The following KCNN3 variants were observed in gnomAD, a reference collection of about 807,000 sequenced individuals.
KCNN3 encodes the protein potassium calcium-activated channel subfamily N member 3.
Under a neutral mutation model 62.9 loss-of-function variants are expected in KCNN3, and 16 were observed. The observed-to-expected ratio is 0.25, with a 90% CI of 0.17 to 0.39. The LOEUF (loss-of-function observed/expected upper bound fraction) is 0.39, where lower values mean the gene tolerates loss of function less well. Ranked by LOEUF, KCNN3 falls within the 10% of genes least tolerant of loss-of-function variation. The pLI is 1.00. For missense variants in KCNN3, 599 were observed against 949.4 expected (o/e 0.63, Z 4.85); for synonymous variants, 370 against 389.2 (o/e 0.95, Z 0.58).
intron 3 of KCNN3, among the ~76,000 whole-genome samples, chr1:154,751,006 T>C (rs1333337683): frequency 6.6e-6 from 1 of 152,218 alleles, no homozygotes; most frequent in Non-Finnish European, 1.5e-5. Context: ...CACCTCATTC[T>C]TTTTAGATAA....
rs142240424 is a variant in KCNN3, at chr1:154,755,504, GAAGA to G, written c.1448+16467_1448+16470del. 1.4e-3 allele frequency among the ~76,000 whole-genome samples: 151 copies of G among 109,894 alleles called. 4 individuals are homozygous for G. The highest frequency in any genetic ancestry group is 3.2e-3 in the African/African-American group (98 of 30,510). 72.1% of individuals were successfully genotyped at this position (109,894 alleles called of 152,430 possible). On this transcript the variant is annotated intron_variant, in intron 3 of 7. Coordinates refer to ENST00000271915, the MANE Select transcript of KCNN3 (RefSeq NM_002249.6). ...GGAAGGAAGAAAGGGAGAAAGAAAGGAAGAAAGAAAGAAAGAAAGAAAGAAGAAG... is the reference window on the plus strand; with the variant it reads ...GGAAGGAAGAAAGGGAGAAAGAAAGGAAGAAAGAAAGAAAGAAAGAAGAAG...
intron 1 of KCNN3, among the ~76,000 whole-genome samples, chr1:154,826,784 A>G (rs1225812760): frequency 6.6e-6 from 1 of 152,264 alleles, no homozygotes; most frequent in Non-Finnish European, 1.5e-5. Flanking sequence ...ATATCTTCCC[A>G]GAGACTTTGA....
chr1:154,780,402 C>A (rs560510449), intron 2 of KCNN3, among the ~76,000 whole-genome samples: 1 of 150,558 alleles, frequency 6.6e-6, no homozygotes, highest in African/African-American at 2.4e-5. Flanking sequence ...AACTTTCACT[C>A]TTGCACAACT....
intron 5 of KCNN3, 116 bp from the exon 6 acceptor site, chr1:154,715,119 T>A: frequency 1.6e-6 from 2 of 1,287,088 alleles, no homozygotes; most frequent in Non-Finnish European, 2.2e-6. Context: ...TCTATTTTCT[T>A]AACCAAAATC....
chr1:154,859,292 C>T (rs977083551), intron 1 of KCNN3, among the ~76,000 whole-genome samples: 7 of 152,224 alleles, frequency 4.6e-5, no homozygotes, highest in Admixed American at 6.5e-5. Flanking sequence ...CTGCAAAAAT[C>T]GCTGCTAGTG....
intron 2 of KCNN3, among the ~76,000 whole-genome samples, chr1:154,821,754 G>A (rs1483579173): frequency 6.6e-6 from 1 of 152,222 alleles, no homozygotes; most frequent in African/African-American, 2.4e-5. Context: ...AGACACAAAA[G>A]GCAGAGCAAT....
chr1:154,715,754 C>T (rs1438374518), intron 5 of KCNN3, among the ~76,000 whole-genome samples: 1 of 152,166 alleles, frequency 6.6e-6, no homozygotes, highest in Non-Finnish European at 1.5e-5. Context: ...ACCATTGCTG[C>T]CCTTACATGC....
intron 6 of KCNN3, among the ~76,000 whole-genome samples, 195 bp from the exon 7 acceptor site, chr1:154,713,728 G>C (rs534493115): frequency 6.6e-6 from 1 of 152,028 alleles, no homozygotes; most frequent in Non-Finnish European, 1.5e-5. Flanking sequence ...TTGTCTCCAC[G>C]CATGCTCACC....
intron 1 of KCNN3, among the ~76,000 whole-genome samples, chr1:154,858,023 AT>A (rs1409417605): frequency 1.3e-5 from 2 of 152,108 alleles, no homozygotes; most frequent in Non-Finnish European, 2.9e-5. Flanking sequence ...ACTCAACTCC[AT>A]CCTAGACTTG....
At chr1:154,742,841 C>T (rs554498438) in intron 3 of KCNN3, among the ~76,000 whole-genome samples, 26 of 152,336 alleles carry the variant, frequency 1.7e-4, no homozygotes, top group African/African-American at 6.3e-4. Context: ...GAGCCTCTCA[C>T]CTGGGGCTTC....
chr1:154,857,845 C>T (rs570271906), intron 1 of KCNN3, among the ~76,000 whole-genome samples: 9 of 152,246 alleles, frequency 5.9e-5, no homozygotes, highest in African/African-American at 2.2e-4. Flanking sequence ...TCTTCTCCAC[C>T]GCCTGTCACC....
rs188367287 is a variant in KCNN3, at chr1:154,848,739, A to G, written c.933+20293T>C. Among the ~76,000 whole-genome samples, 332 of 152,126 alleles carry G rather than the reference A, an allele frequency of 2.2e-3. 1 individual carries two copies. The highest frequency in any genetic ancestry group is 7.7e-3 in the African/African-American group (320 of 41,460). The stretch of plus-strand genomic sequence containing the variant: ...ATTCCCTTTTGCCTCATGAAGCCCT[A>G]CCTTCCTTCAAAACCCAGCTCAACC... On this transcript the variant is annotated intron_variant, in intron 1 of 7. Coordinates refer to ENST00000271915, the MANE Select transcript of KCNN3 (RefSeq NM_002249.6).
chr1:154,753,486 C>T, intron 3 of KCNN3, among the ~76,000 whole-genome samples: 1 of 152,332 alleles, frequency 6.6e-6, no homozygotes, highest in Non-Finnish European at 1.5e-5. Context: ...TATGTTCTTT[C>T]TCCTTTTGTC....
intron 3 of KCNN3, among the ~76,000 whole-genome samples, chr1:154,754,145 T>C (rs891839635): frequency 6.6e-6 from 1 of 152,192 alleles, no homozygotes; most frequent in African/African-American, 2.4e-5. Context: ...GGTCACTAAA[T>C]TTAAAAATAT....
Position 154,709,662 on chromosome 1 carries a change from C to T in KCNN3, c.1900-1390G>A, listed in dbSNP as rs572199345. 2.0e-5 allele frequency among the ~76,000 whole-genome samples: 3 copies of T among 152,302 alleles called. No individual in the cohort carries two copies. In the East Asian group the frequency reaches 5.8e-4, roughly 29 times the overall value. On this transcript the variant is annotated intron_variant, in intron 7 of 7. Transcript: ENST00000271915. ...AGGTCACAAGGTGGCATGGAGATGG[C>T]CCCGCTCCCATGAGCTCTGCTGTTG...
At chr1:154,810,685 T>G (rs1421573665) in intron 2 of KCNN3, among the ~76,000 whole-genome samples, 2 of 152,200 alleles carry the variant, frequency 1.3e-5, no homozygotes, top group Non-Finnish European at 2.9e-5. Context: ...GTGGCTGGGA[T>G]GAGGGCCTCC....
rs143701292 is a variant in KCNN3, at chr1:154,729,492, C to G, written c.1591-3466G>C. Reference sequence around the variant, plus strand: ...AAATCTGGACCGAGACTCCTCCACACCAGTCCTCCCACCTCTTGTTTTCAA... The same window carrying G: ...AAATCTGGACCGAGACTCCTCCACAGCAGTCCTCCCACCTCTTGTTTTCAA... On this transcript the variant is annotated intron_variant, in intron 4 of 7. Transcript: ENST00000271915. Among the ~76,000 whole-genome samples, 17 of 152,234 alleles carry G rather than the reference C, an allele frequency of 1.1e-4. No homozygotes were observed. The East Asian group carries it at 3.3e-3, about 29-fold the overall frequency.
intron 2 of KCNN3, among the ~76,000 whole-genome samples, chr1:154,821,156 G>A (rs1451742523): frequency 6.6e-6 from 1 of 152,146 alleles, no homozygotes; most frequent in East Asian, 1.9e-4. Flanking sequence ...GACACACCAA[G>A]AAAAAAGGTC....
chr1:154,838,156 G>A (rs143951893), intron 1 of KCNN3, among the ~76,000 whole-genome samples: 1 of 152,282 alleles, frequency 6.6e-6, no homozygotes, highest in Non-Finnish European at 1.5e-5. Flanking sequence ...CAAACAGGAA[G>A]GCGGCCACGG....
Sources: allele counts gnomAD v4.1 joint callset (sites outside exome capture counted in the v4.1 genomes callset), GRCh38; gene constraint gnomAD v4.1.1; transcripts MANE v1.5; gene names NCBI Gene and HGNC (gene_info 2026-07-23, HGNC 2026-07-21).